GSTCD: variants seen among roughly 807,000 people sequenced by gnomAD.
The protein encoded by GSTCD is glutathione S-transferase C-terminal domain containing.
A neutral mutation model predicts 68.3 loss-of-function variants in GSTCD; 44 were observed. That is an observed-to-expected ratio of 0.64 (90% CI 0.51 to 0.83). The LOEUF (loss-of-function observed/expected upper bound fraction) is 0.83, where lower values mean the gene tolerates loss of function less well. GSTCD is among the 40% of genes least tolerant of loss of function. The pLI, the probability that GSTCD is intolerant of heterozygous loss-of-function variation, is 0.00. For missense variants in GSTCD, 739 were observed against 735.9 expected (o/e 1.00, Z -0.05); for synonymous variants, 273 against 255.2 (o/e 1.07, Z -0.67).
intron 3 of GSTCD, 179 bp downstream of exon 3, chr4:105,719,706 T>G (rs1287736246): frequency 1.7e-6 from 1 of 572,664 alleles, no homozygotes; most frequent in African/African-American, 1.9e-5. Context: ...AAAGGAAAAA[T>G]GTAAGGAACA....
intron 5 of GSTCD, among the ~76,000 whole-genome samples, chr4:105,735,063 G>C (rs760550512): frequency 6.6e-6 from 1 of 152,136 alleles, no homozygotes; most frequent in South Asian, 2.1e-4. Flanking sequence ...AGGGGTACCC[G>C]GCCGTGTTAG....
chr4:105,807,258 C>T (rs771467169), intron 5 of GSTCD: 10 of 151,914 alleles, frequency 6.6e-5, no homozygotes, highest in East Asian at 3.9e-4. Context: ...AACATTTCAC[C>T]GCAAAATACT....
chr4:105,759,849 CAAT>C (rs1416541032), intron 5 of GSTCD, among the ~76,000 whole-genome samples: 1 of 152,066 alleles, frequency 6.6e-6, no homozygotes, highest in Non-Finnish European at 1.5e-5. Flanking sequence ...TAATATAATA[CAAT>C]GATACTCATT....
In GSTCD at chr4:105,825,708, C is replaced by A; in HGVS notation, c.1438C>A (p.Arg480Ser). The A allele has an allele frequency of 2.6e-6, 4 of 1,514,790 alleles. No individual in the cohort carries two copies. In the South Asian group the frequency reaches 3.4e-5, roughly 13 times the overall value. The allele number at this position is 1,514,790 out of a possible 1,614,324, so 93.8% of individuals were successfully genotyped here. ...LIENKELSLI[R>S]AKKRSDELGL... ...AGAAAACAAGGAATTATCATTAATT[C>A]GTGCTAAGAAGAGAAGTGATGAACT... The change falls in exon 8 of 12, where the codon CGT becomes AGT. Residue 480 changes from arginine (R) to serine (S), a missense_variant. Physicochemically the swap from Arg to Ser is moderately radical, Grantham distance 110. Transcript: ENST00000515279.
chr4:105,762,294 C>T (rs2553450), intron 5 of GSTCD, among the ~76,000 whole-genome samples: 5,457 of 152,196 alleles, frequency 0.036, 129 homozygotes, highest in Non-Finnish European at 0.057. Context: ...TATATTCTAA[C>T]TCATTTAGTT....
intron 5 of GSTCD, among the ~76,000 whole-genome samples, chr4:105,769,241 A>G (rs62317676): frequency 0.06 from 1,423 of 23,584 alleles, 16 homozygotes; most frequent in East Asian, 0.2. Context: ...GCGCACACAC[A>G]CACACACACA....
intron 4 of GSTCD, among the ~76,000 whole-genome samples, chr4:105,729,065 G>A (rs1351556302): frequency 6.6e-6 from 1 of 151,916 alleles, no homozygotes; most frequent in Non-Finnish European, 1.5e-5. Context: ...TTTCTATGTG[G>A]ATTGTTTTTG....
At chr4:105,797,819 G>T (rs1428531501) in intron 5 of GSTCD, among the ~76,000 whole-genome samples, 1 of 127,254 alleles carries the variant, frequency 7.9e-6, no homozygotes, top group African/African-American at 3.1e-5. Context: ...CTATCACCCA[G>T]GCTGGAATGC....
At chr4:105,765,561 A>G (rs1367370494) in intron 5 of GSTCD, among the ~76,000 whole-genome samples, 1 of 152,250 alleles carries the variant, frequency 6.6e-6, no homozygotes, top group Non-Finnish European at 1.5e-5. Context: ...CATGAAAATC[A>G]GGTGCATATG....
intron 5 of GSTCD, among the ~76,000 whole-genome samples, chr4:105,750,475 A>G (rs1443224214): frequency 3.8e-4 from 58 of 151,922 alleles, no homozygotes; most frequent in African/African-American, 9.6e-4. Flanking sequence ...AAAAAAAAAA[A>G]AAAAGAAAAG....
At chr4:105,803,994 T>A (rs1463873317) in intron 5 of GSTCD, among the ~76,000 whole-genome samples, 1 of 151,996 alleles carries the variant, frequency 6.6e-6, no homozygotes, top group African/African-American at 2.4e-5. Flanking sequence ...AATTTTTTGT[T>A]TTTGTAAAGC....
intron 1 of GSTCD, chr4:105,712,458 GGGT>G (rs1732566491): frequency 6.6e-6 from 1 of 152,222 alleles, no homozygotes. Context: ...GGGATAGCTA[GGGT>G]CACAGTAGGC....
chr4:105,819,389 C>T (rs994737821), intron 5 of GSTCD, among the ~76,000 whole-genome samples: 15 of 151,828 alleles, frequency 9.9e-5, no homozygotes, highest in Non-Finnish European at 1.3e-4. Context: ...AATGCACATA[C>T]TTTTGCACAT....
intron 5 of GSTCD, among the ~76,000 whole-genome samples, chr4:105,737,478 G>T (rs980386551): frequency 6.6e-6 from 1 of 152,040 alleles, no homozygotes; most frequent in Non-Finnish European, 1.5e-5. Context: ...TAGGTTTTTA[G>T]TTCAATATAA....
intron 5 of GSTCD, among the ~76,000 whole-genome samples, chr4:105,792,266 C>T (rs1481039155): frequency 6.6e-6 from 1 of 151,996 alleles, no homozygotes; most frequent in Non-Finnish European, 1.5e-5. Context: ...AACAGATATT[C>T]AACAAAGCTG....
chr4:105,764,987 T>G (rs1362330576), intron 5 of GSTCD, among the ~76,000 whole-genome samples: 1 of 152,110 alleles, frequency 6.6e-6, no homozygotes, highest in Non-Finnish European at 1.5e-5. Context: ...CTTTCAAAAT[T>G]TTTTTTACCT....
At chr4:105,718,984 TA>T in intron 2 of GSTCD, 75 bp from the exon 3 acceptor site, 1 of 1,159,170 alleles carries the variant, frequency 8.6e-7, no homozygotes, top group Non-Finnish European at 1.2e-6. Context: ...TATTTCCCAA[TA>T]AGACAGTTAT....
intron 5 of GSTCD, among the ~76,000 whole-genome samples, chr4:105,734,851 G>T (rs1333415954): frequency 6.6e-6 from 1 of 152,122 alleles, no homozygotes; most frequent in Non-Finnish European, 1.5e-5. Flanking sequence ...CGTACAGATG[G>T]GGTTTTGGTG....
chr4:105,716,477 C>A (rs1033080520), intron 1 of GSTCD, among the ~76,000 whole-genome samples: 1 of 152,176 alleles, frequency 6.6e-6, no homozygotes, highest in Non-Finnish European at 1.5e-5. Context: ...AGGAACCCCA[C>A]CTCAAAGTGG....
Sources: allele counts gnomAD v4.1 joint callset (sites outside exome capture counted in the v4.1 genomes callset), GRCh38; gene constraint gnomAD v4.1.1; transcripts MANE v1.5; gene names NCBI Gene and HGNC (gene_info 2026-07-23, HGNC 2026-07-21).